PCDHA6: variants seen among roughly 807,000 people sequenced by gnomAD.
PCDHA6 encodes the protein protocadherin alpha 6.
Under a neutral mutation model 60.3 loss-of-function variants are expected in PCDHA6, and 55 were observed. The ratio of observed to expected loss-of-function variants is 0.91; its 90% confidence interval spans 0.73 to 1.14. The LOEUF (loss-of-function observed/expected upper bound fraction) is 1.14. Ranked by LOEUF, PCDHA6 falls within the 50% of genes most tolerant of loss-of-function variation. The pLI, the probability that PCDHA6 is intolerant of heterozygous loss-of-function variation, is 0.00. For missense variants in PCDHA6, 1,327 were observed against 1,256.5 expected, an observed-to-expected ratio of 1.06 and a Z score of -0.85; for synonymous variants, 652 against 557.9, an observed-to-expected ratio of 1.17 and a Z score of -2.38.
In PCDHA6 at chr5:140,875,833, G is replaced by A. The variant is rs782436615; in HGVS notation, c.2394+45348G>A. 1 of 1,614,220 alleles carries A rather than the reference G, an allele frequency of 6.2e-7. No homozygotes were observed. Among genetic ancestry groups the A allele is most frequent in the Non-Finnish European group, 8.5e-7 (1 of 1,180,044 alleles). On this transcript the variant is annotated intron_variant, in intron 1 of 3. Coordinates refer to ENST00000529310, the MANE Select transcript of PCDHA6 (RefSeq NM_018909.4). ...GCCGCTGCAGGTTTTCCATGTGGAC[G>A]TGGAGGTGAAGGACATTAACGACAA...
intron 1 of PCDHA6, among the ~76,000 whole-genome samples, chr5:140,880,929 A>T (rs2058535682): frequency 6.6e-6 from 1 of 152,232 alleles, no homozygotes; most frequent in African/African-American, 2.4e-5. Flanking sequence ...TATGTTAGTA[A>T]AAGTAATGGA....
In PCDHA6 at chr5:140,830,311, G is replaced by A. The variant is rs2150184835; in HGVS notation, c.2220G>A (p.Val740=). 2.0e-5 allele frequency: 32 copies of A among 1,613,870 alleles called. No homozygotes were observed. The highest frequency in any genetic ancestry group is 2.5e-5 in the Non-Finnish European group (30 of 1,179,950). ...GACTADKPTL[V]CSSAVGSWSY... is the part of the protein sequence containing the mutation. ...GCACGGCGGACAAGCCCACGCTGGT[G>A]TGCTCCAGCGCAGTGGGGAGCTGGT... The change falls in exon 1 of 4, where the codon GTG becomes GTA. Residue 740 remains valine, a synonymous_variant. Transcript: ENST00000529310.
Position 140,870,991 on chromosome 5 carries a change from A to G in PCDHA6, c.2394+40506A>G, listed in dbSNP as rs782466247. On this transcript the variant is annotated intron_variant, in intron 1 of 3. Coordinates refer to ENST00000529310, the MANE Select transcript of PCDHA6 (RefSeq NM_018909.4). ...CCGCGTGGGGCTGTACACGGGCGAGATAAGCACAACGCGTGCCCTGGACGA... is the reference window on the plus strand; with the variant it reads ...CCGCGTGGGGCTGTACACGGGCGAGGTAAGCACAACGCGTGCCCTGGACGA... 10 of 1,613,364 alleles carry G rather than the reference A, an allele frequency of 6.2e-6. No individual in the cohort carries two copies. The East Asian group carries it at 1.1e-4, about 18-fold the overall frequency.
intron 1 of PCDHA6, among the ~76,000 whole-genome samples, chr5:140,972,920 C>T (rs1343772789): frequency 6.6e-6 from 1 of 152,048 alleles, no homozygotes; most frequent in East Asian, 1.9e-4. Context: ...CCTTGGCCTC[C>T]CAAAGTGCTG....
At chr5:140,841,732 C>A (rs1554138500) in intron 1 of PCDHA6, 4 of 1,613,740 alleles carry the variant, frequency 2.5e-6, no homozygotes, top group Non-Finnish European at 2.5e-6. Flanking sequence ...GGGTAAAAGA[C>A]CAAAAGCTGT....
intron 1 of PCDHA6, chr5:140,861,416 C>A (rs1053647411): frequency 8.4e-6 from 4 of 476,934 alleles, no homozygotes; most frequent in African/African-American, 6.0e-5. Context: ...TGATACCGCG[C>A]CTGTTTCAGT....
intron 1 of PCDHA6, among the ~76,000 whole-genome samples, chr5:140,887,546 T>C (rs1554183101): frequency 1.3e-5 from 2 of 152,114 alleles, no homozygotes; most frequent in Non-Finnish European, 2.9e-5. Flanking sequence ...CCACCCCTCA[T>C]GGTTACTGTT....
Position 140,829,317 on chromosome 5 carries a change from T to A in PCDHA6, c.1226T>A (p.Leu409Gln), listed in dbSNP as rs1327527947. The change falls in exon 1 of 4, where the codon CTG becomes CAG. Residue 409 changes from leucine (L) to glutamine (Q), a missense_variant. Transcript: ENST00000529310. Reference sequence around the variant, plus strand: ...TTCAAGAATTACTACTCGTTGGTGCTGGACAGTGCCCTGGACCGCGAGAGC... The same window carrying A: ...TTCAAGAATTACTACTCGTTGGTGCAGGACAGTGCCCTGGACCGCGAGAGC... ...STFKNYYSLV[L>Q]DSALDRESVS... is the part of the protein sequence containing the mutation. 1 of 1,614,134 alleles carries A rather than the reference T, an allele frequency of 6.2e-7. No homozygotes were observed. The highest frequency in any genetic ancestry group is 2.2e-5 in the East Asian group (1 of 44,894).
intron 1 of PCDHA6, among the ~76,000 whole-genome samples, chr5:140,846,079 G>A (rs1024607553): frequency 1.3e-5 from 2 of 149,824 alleles, no homozygotes; most frequent in South Asian, 2.1e-4. Flanking sequence ...TTTTGGAAAG[G>A]TTAAAGTCCT....
chr5:140,941,402 C>T (rs544909478), intron 1 of PCDHA6, among the ~76,000 whole-genome samples: 12 of 149,674 alleles, frequency 8.0e-5, no homozygotes, highest in African/African-American at 2.5e-4. Flanking sequence ...CTGCAACCTC[C>T]GCCTCCCGGG....
At position 140,982,581 on chromosome 5, in the gene PCDHA6, C is replaced by G. The variant is rs782060139; in HGVS notation, c.2542+18C>G. 6.2e-7 allele frequency: 1 copy of G among 1,612,214 alleles called. No homozygotes were observed. The highest frequency in any genetic ancestry group is 1.1e-5 in the South Asian group (1 of 90,796). The stretch of plus-strand genomic sequence containing the variant: ...AACACCAGGTAAAGAGCTGGGGTCT[C>G]TCCATTCTTTCTTGGTTTCTGGAAA... On this transcript the variant is annotated intron_variant, in intron 3 of 3. Transcript: ENST00000529310.
chr5:140,844,849 G>T, intron 1 of PCDHA6, among the ~76,000 whole-genome samples: 1 of 148,746 alleles, frequency 6.7e-6, no homozygotes, highest in African/African-American at 2.5e-5. Flanking sequence ...TGTGACTGTT[G>T]GACCTGCCTG....
chr5:140,857,359 G>T lies in PCDHA6; in HGVS notation c.2394+26874G>T, dbSNP rs200721411. ...GGGGCTCGCCTCCGCTGTGGGCCAC[G>T]GCCAGCGTGTCTGTGGAGGTGGCCG... On this transcript the variant is annotated intron_variant, in intron 1 of 3. Coordinates refer to ENST00000529310, the MANE Select transcript of PCDHA6 (RefSeq NM_018909.4). 3 of 1,598,398 alleles carry T rather than the reference G, an allele frequency of 1.9e-6. No individual in the cohort carries two copies. The South Asian group carries it at 3.3e-5, about 18-fold the overall frequency.
chr5:140,926,128 CGCAGCAGGATCCAGCGCGGAAAGCTCT>C (rs1157627097), intron 1 of PCDHA6, among the ~76,000 whole-genome samples: 1 of 152,278 alleles, frequency 6.6e-6, no homozygotes, highest in East Asian at 1.9e-4. Flanking sequence ...GACTTCAACC[CGCAGCAGGATCCAGCGCGGAAAGCTCT>C]GCAGCAGGAT....
intron 1 of PCDHA6, among the ~76,000 whole-genome samples, chr5:140,941,231 C>CTTTCTTTCTTTCTTTCTT (rs2092927472): frequency 2.2e-5 from 3 of 136,876 alleles, no homozygotes; most frequent in African/African-American, 8.3e-5. Context: ...TTCTTTCTTT[C>CTTTCTTTCTTTCTTTCTT]TTTCTTTCTT....
intron 1 of PCDHA6, chr5:140,851,516 T>TA: frequency 2.2e-6 from 2 of 906,324 alleles, no homozygotes; most frequent in Non-Finnish European, 2.7e-6. Context: ...AAATATGTTT[T>TA]AAAATGCCTG....
intron 1 of PCDHA6, among the ~76,000 whole-genome samples, chr5:140,961,483 G>A (rs1365864551): frequency 6.6e-6 from 1 of 152,090 alleles, no homozygotes; most frequent in Non-Finnish European, 1.5e-5. Context: ...TCTTGTCCAC[G>A]TGAGTATATT....
At chr5:140,883,544 A>T in intron 1 of PCDHA6, 1 of 1,614,168 alleles carries the variant, frequency 6.2e-7, no homozygotes, top group South Asian at 1.1e-5. Flanking sequence ...ACTGGTGGTG[A>T]CCGCGCGGGA....
At chr5:140,865,342 T>G (rs1437907469) in intron 1 of PCDHA6, 1 of 152,202 alleles carries the variant, frequency 6.6e-6, no homozygotes, top group Non-Finnish European at 1.5e-5. Flanking sequence ...AAAGAAATAG[T>G]ATATTTACAT....
Sources: gnomAD v4.1 joint callset for allele counts (sites outside exome capture counted in the v4.1 genomes callset) on GRCh38, gnomAD v4.1.1 for gene constraint, MANE v1.5 for transcripts, NCBI Gene and HGNC (gene_info 2026-07-23, HGNC 2026-07-21) for gene names.